SPATA13: variants seen among roughly 807,000 people sequenced by gnomAD.
SPATA13 encodes the protein spermatogenesis associated 13.
A neutral mutation model predicts 104.0 loss-of-function variants in SPATA13; 50 were observed. The observed-to-expected ratio is 0.48, with a 90% CI of 0.38 to 0.61. SPATA13 has a LOEUF of 0.61. Among genes scored for constraint, SPATA13 ranks in the 20% least tolerant of loss-of-function variants. SPATA13 has a pLI of 0.00. For synonymous variants in SPATA13, 606 were observed against 667.5 expected, an observed-to-expected ratio of 0.91 and a Z score of 1.42; for missense variants, 1,524 against 1,690.6, an observed-to-expected ratio of 0.90 and a Z score of 1.73.
intron 1 of SPATA13, among the ~76,000 whole-genome samples, chr13:24,207,922 A>T (rs1472395852): frequency 1.3e-5 from 2 of 152,138 alleles, no homozygotes; most frequent in Non-Finnish European, 2.9e-5. Flanking sequence ...CATCTGTGAA[A>T]TGGATGTGAT....
intron 2 of SPATA13, among the ~76,000 whole-genome samples, chr13:23,987,897 C>T (rs759076713): frequency 1.3e-5 from 2 of 151,726 alleles, no homozygotes; most frequent in Admixed American, 6.6e-5. Flanking sequence ...CATAACGCAA[C>T]GTTCTTAAGG....
chr13:24,029,239 G>A (rs532640268), intron 3 of SPATA13, among the ~76,000 whole-genome samples: 25 of 152,096 alleles, frequency 1.6e-4, no homozygotes, highest in South Asian at 6.2e-4. Flanking sequence ...AAATCTTTTC[G>A]TGGGAATACT....
At chr13:24,210,900 GTCT>G (rs1250990315) in intron 1 of SPATA13, among the ~76,000 whole-genome samples, 2 of 150,870 alleles carry the variant, frequency 1.3e-5, no homozygotes, top group African/African-American at 4.9e-5. Context: ...ATTTATTTGT[GTCT>G]TCTTCAGTTT....
At chr13:24,154,772 G>A (rs1882209946) in intron 3 of SPATA13, among the ~76,000 whole-genome samples, 1 of 152,234 alleles carries the variant, frequency 6.6e-6, no homozygotes, top group Non-Finnish European at 1.5e-5. Context: ...TCATAGAGAA[G>A]CTTGACTGGG....
chr13:24,303,184 A>T lies in SPATA13; in HGVS notation c.*411A>T. ...GATGAGGTTAGAGGATCACTTCTGC[A>T]TTTGATTTTCAAGGATGCCGTCAAG... On this transcript the variant is annotated 3_prime_UTR_variant, in exon 13 of 13. Transcript: ENST00000382108. 1 of 391,852 alleles carries T rather than the reference A, an allele frequency of 2.6e-6. No individual in the cohort carries two copies. Among genetic ancestry groups the T allele is most frequent in the Non-Finnish European group, 5.1e-6 (1 of 197,434 alleles). The allele number at this position is 391,852 out of a possible 1,614,324, so 24.3% of individuals were successfully genotyped here.
chr13:24,289,166 C>T lies in SPATA13; in HGVS notation c.2835C>T (p.Cys945=). 2.5e-6 allele frequency: 4 copies of T among 1,608,340 alleles called. No homozygotes were observed. Among genetic ancestry groups the T allele is most frequent in the South Asian group, 1.1e-5 (1 of 89,584 alleles). The change falls in exon 8 of 13, where the codon TGC becomes TGT. Residue 945 remains cysteine (C), a synonymous_variant. Coordinates refer to ENST00000382108, the MANE Select transcript of SPATA13 (RefSeq NM_001166271.3). ...EEPHLSEIGS[C]FLQNQEGFAI... ...CTCACTTAAGTGAAATAGGATCTTG[C>T]TTTCTTCAAAATGTGCGTCACCCTT... is the stretch of plus-strand genomic sequence containing the variant.
At chr13:24,210,030 CT>C (rs1321248179) in intron 1 of SPATA13, among the ~76,000 whole-genome samples, 2 of 151,988 alleles carry the variant, frequency 1.3e-5, no homozygotes, top group Non-Finnish European at 1.5e-5. Flanking sequence ...TGTTGAGCAC[CT>C]TTTTCATATA....
chr13:23,990,742 G>T (rs942878), intron 2 of SPATA13, among the ~76,000 whole-genome samples: 1 of 151,964 alleles, frequency 6.6e-6, no homozygotes, highest in African/African-American at 2.4e-5. Context: ...CTTGTTTCCC[G>T]TGATCACCCA....
chr13:24,255,096 C>T (rs1246597435), intron 4 of SPATA13, among the ~76,000 whole-genome samples: 5 of 152,198 alleles, frequency 3.3e-5, no homozygotes, highest in African/African-American at 7.2e-5. Context: ...ACCAGGAGTG[C>T]GCACGAGCTA....
At chr13:24,081,006 G>A (rs528721725) in intron 3 of SPATA13, among the ~76,000 whole-genome samples, 3 of 152,280 alleles carry the variant, frequency 2.0e-5, no homozygotes, top group East Asian at 1.9e-4. Context: ...CTCTGGTAAG[G>A]AAAGGAGGAA....
chr13:23,988,788 C>T (rs997210398), intron 2 of SPATA13, among the ~76,000 whole-genome samples: 10 of 152,180 alleles, frequency 6.6e-5, no homozygotes, highest in African/African-American at 2.4e-4. Context: ...CTGCAACTAT[C>T]TGTTCATTTC....
At chr13:24,126,165 T>A (rs1038258116) in intron 3 of SPATA13, among the ~76,000 whole-genome samples, 3 of 152,182 alleles carry the variant, frequency 2.0e-5, no homozygotes, top group African/African-American at 7.2e-5. Context: ...TTCTCTGCCC[T>A]CACTTGCTAC....
intron 4 of SPATA13, among the ~76,000 whole-genome samples, chr13:24,275,852 G>T (rs1935043): frequency 0.94 from 143,856 of 152,284 alleles, 68,134 homozygotes; most frequent in East Asian, 1. Context: ...GAGAATCTCT[G>T]GAACCCTGGA....
At chr13:24,273,140 A>G (rs899105218) in intron 4 of SPATA13, 1 of 152,416 alleles carries the variant, frequency 6.6e-6, no homozygotes, top group Non-Finnish European at 1.5e-5. Flanking sequence ...AGTCAAAGGT[A>G]AAACCTAAGA....
chr13:24,290,935 G>T (rs575956777), intron 9 of SPATA13, 51 bp downstream of exon 9: 1 of 1,449,950 alleles, frequency 6.9e-7, no homozygotes, highest in Non-Finnish European at 9.6e-7. Context: ...GCCATTACCC[G>T]TAGGCAGCTC....
intron 4 of SPATA13, among the ~76,000 whole-genome samples, chr13:24,253,817 G>T (rs1257754044): frequency 1.3e-5 from 2 of 152,006 alleles, no homozygotes; most frequent in African/African-American, 2.4e-5. Flanking sequence ...CAGGAAACAT[G>T]ATGTGTCTGA....
At chr13:24,241,909 T>C (rs567491571) in intron 2 of SPATA13, among the ~76,000 whole-genome samples, 1 of 152,154 alleles carries the variant, frequency 6.6e-6, no homozygotes, top group Non-Finnish European at 1.5e-5. Flanking sequence ...AAAAATTAGC[T>C]GGACCTGATG....
At chr13:24,263,565 A>G (rs1013374984) in intron 4 of SPATA13, among the ~76,000 whole-genome samples, 30 of 152,226 alleles carry the variant, frequency 2.0e-4, no homozygotes, top group Non-Finnish European at 2.8e-4. Context: ...ACCCATGCCC[A>G]TCCTCCATAT....
chr13:24,212,339 C>A (rs1871073245), intron 1 of SPATA13, among the ~76,000 whole-genome samples: 1 of 151,858 alleles, frequency 6.6e-6, no homozygotes, highest in African/African-American at 2.4e-5. Context: ...ACCACAGGTA[C>A]CTCATTTAAA....
Sources: gnomAD v4.1 joint callset for allele counts (sites outside exome capture counted in the v4.1 genomes callset) on GRCh38, gnomAD v4.1.1 for gene constraint, MANE v1.5 for transcripts, NCBI Gene and HGNC (gene_info 2026-07-23, HGNC 2026-07-21) for gene names.